MALRD1: variants seen among roughly 807,000 people sequenced by gnomAD.
The protein encoded by MALRD1 is MAM and LDL receptor class A domain containing 1.
Under a neutral mutation model 242.1 loss-of-function variants are expected in MALRD1, and 247 were observed. The observed-to-expected ratio is 1.02, with a 90% CI of 0.92 to 1.13. The LOEUF (loss-of-function observed/expected upper bound fraction) is 1.13, where lower values mean the gene tolerates loss of function less well. Ranked by LOEUF, MALRD1 falls within the 50% of genes most tolerant of loss-of-function variation. The pLI, the probability that MALRD1 is intolerant of heterozygous loss-of-function variation, is 0.00. For synonymous variants in MALRD1, 995 were observed against 866.6 expected (o/e 1.15, Z -2.60); for missense variants, 2,989 against 2,533.1 (o/e 1.18, Z -3.86).
chr10:19,724,324 A>G lies in MALRD1; in HGVS notation c.6315-6382A>G, dbSNP rs72782186. Among the ~76,000 whole-genome samples the G allele has an allele frequency of 3.3e-3, 508 of 152,346 alleles. 2 individuals are homozygous for G. The highest frequency in any genetic ancestry group is 0.01 in the Middle Eastern group (3 of 294). ...CACCCATTTATCACCAAAAATGGCA[A>G]TCAATTTAGTAAATAAAGTTAATAG... On this transcript the variant is annotated intron_variant, in intron 38 of 39. Coordinates refer to ENST00000454679, the MANE Select transcript of MALRD1 (RefSeq NM_001142308.3).
At chr10:19,483,602 C>T (rs916951837) in intron 29 of MALRD1, among the ~76,000 whole-genome samples, 2 of 152,152 alleles carry the variant, frequency 1.3e-5, no homozygotes, top group African/African-American at 4.8e-5. Context: ...TACCATTTCA[C>T]ATCAGTCAGA....
chr10:19,703,229 T>C (rs150578922), intron 38 of MALRD1, among the ~76,000 whole-genome samples: 1 of 152,334 alleles, frequency 6.6e-6, no homozygotes, highest in African/African-American at 2.4e-5. Context: ...GAATTCTTCA[T>C]CTGCCTCTCA....
rs187629954 is a variant in MALRD1 at position 19,589,404 on chromosome 10, C to T, written c.5681-5790C>T. Among the ~76,000 whole-genome samples the T allele has an allele frequency of 1.2e-3, 179 of 152,242 alleles. 1 individual carries two copies. Among genetic ancestry groups the T allele is most frequent in the African/African-American group, 3.2e-3 (132 of 41,542 alleles). On this transcript the variant is annotated intron_variant, in intron 33 of 39. Transcript: ENST00000454679. The stretch of plus-strand genomic sequence containing the variant: ...AGAGTAACTTTATTGCTGGTACAGC[C>T]TTGAATCATCTCCAATATACAAAGA...
chr10:19,068,680 C>G (rs1835052753), intron 2 of MALRD1, among the ~76,000 whole-genome samples: 1 of 152,056 alleles, frequency 6.6e-6, no homozygotes, highest in Non-Finnish European at 1.5e-5. Flanking sequence ...AGCAAGTGTT[C>G]TGGCTGTAGA....
intron 28 of MALRD1, among the ~76,000 whole-genome samples, chr10:19,401,263 C>T (rs543174929): frequency 5.0e-4 from 76 of 152,292 alleles, no homozygotes; most frequent in Non-Finnish European, 8.5e-4. Context: ...TAACATAGCA[C>T]TGCTTTCATT....
intron 29 of MALRD1, among the ~76,000 whole-genome samples, chr10:19,472,327 TG>T (rs1394379313): frequency 6.6e-6 from 1 of 152,000 alleles, no homozygotes; most frequent in Non-Finnish European, 1.5e-5. Context: ...GGATTTTGCA[TG>T]GATGTTTATC....
chr10:19,383,847 C>G (rs1364798294), intron 26 of MALRD1, among the ~76,000 whole-genome samples: 1 of 151,636 alleles, frequency 6.6e-6, no homozygotes, highest in Middle Eastern at 3.4e-3. Context: ...GGAAATAGTA[C>G]ATTCTCCAGG....
chr10:19,324,420 A>G (rs1440485685), intron 22 of MALRD1, among the ~76,000 whole-genome samples: 6 of 152,212 alleles, frequency 3.9e-5, no homozygotes, highest in South Asian at 2.1e-4. Flanking sequence ...TCAAATAAAT[A>G]TATACACTTG....
At chr10:19,315,142 A>C (rs796395712) in intron 21 of MALRD1, among the ~76,000 whole-genome samples, 2 of 137,154 alleles carry the variant, frequency 1.5e-5, no homozygotes, top group Admixed American at 7.6e-5. Flanking sequence ...AAATATGTAA[A>C]TATAATTTAT....
chr10:19,699,505 A>G (rs1226267704), intron 38 of MALRD1, among the ~76,000 whole-genome samples: 1 of 152,142 alleles, frequency 6.6e-6, no homozygotes, highest in Non-Finnish European at 1.5e-5. Context: ...AGAGGGCAAT[A>G]GGGGCAGGGT....
intron 25 of MALRD1, among the ~76,000 whole-genome samples, chr10:19,350,278 T>TC (rs931558459): frequency 2.0e-5 from 3 of 147,948 alleles, no homozygotes; most frequent in East Asian, 2.0e-4. Context: ...TTTCTTTTTT[T>TC]TTTTTTTTTT....
At chr10:19,530,697 A>G (rs1834375554) in intron 31 of MALRD1, among the ~76,000 whole-genome samples, 1 of 151,780 alleles carries the variant, frequency 6.6e-6, no homozygotes, top group Non-Finnish European at 1.5e-5. Flanking sequence ...TGAGAAGAAA[A>G]GAAATAGTGT....
At chr10:19,484,294 T>C (rs527829582) in intron 29 of MALRD1, among the ~76,000 whole-genome samples, 1 of 152,138 alleles carries the variant, frequency 6.6e-6, no homozygotes, top group African/African-American at 2.4e-5. Flanking sequence ...ATTATAAAAA[T>C]AAGAAAAGTT....
Position 19,562,297 on chromosome 10 carries a change from G to GTAGGTAGATAGA in MALRD1, c.5479-5202_5479-5201insGTAGATAGATAG, listed in dbSNP as rs149417866. On this transcript the variant is annotated intron_variant, in intron 32 of 39. Transcript: ENST00000454679. Reference sequence around the variant, plus strand: ...GCAACAGAGCGAGATGCTGTCTTAGGTAGATAGATAGATAGATAGATAGAT... The same window carrying GTAGGTAGATAGA: ...GCAACAGAGCGAGATGCTGTCTTAGGTAGGTAGATAGATAGATAGATAGATAGATAGATAGAT... Among the ~76,000 whole-genome samples, 57 of 144,766 alleles carry GTAGGTAGATAGA rather than the reference G, an allele frequency of 3.9e-4. 1 individual carries two copies. The highest frequency in any genetic ancestry group is 5.4e-4 in the Non-Finnish European group (36 of 66,128). The allele number at this position is 144,766 out of a possible 152,430, so 95.0% of individuals were successfully genotyped here.
intron 29 of MALRD1, among the ~76,000 whole-genome samples, chr10:19,453,763 C>G (rs1318792843): frequency 1.3e-5 from 2 of 151,942 alleles, no homozygotes; most frequent in Non-Finnish European, 2.9e-5. Context: ...GTAATCCCAG[C>G]TACTCAGCAG....
chr10:19,210,952 C>G (rs982129971), intron 18 of MALRD1, among the ~76,000 whole-genome samples: 1 of 152,142 alleles, frequency 6.6e-6, no homozygotes, highest in Admixed American at 6.5e-5. Flanking sequence ...AGTGTGGCAT[C>G]GTTCTGGTCT....
intron 33 of MALRD1, among the ~76,000 whole-genome samples, chr10:19,580,950 C>T (rs1306261526): frequency 6.6e-6 from 1 of 152,018 alleles, no homozygotes; most frequent in East Asian, 1.9e-4. Flanking sequence ...AAATAGAGGT[C>T]ATGTTCCATC....
intron 36 of MALRD1, among the ~76,000 whole-genome samples, chr10:19,645,054 ATTTTTC>A (rs1840584300): frequency 6.6e-6 from 1 of 152,160 alleles, no homozygotes; most frequent in Non-Finnish European, 1.5e-5. Flanking sequence ...TTATCAGATC[ATTTTTC>A]TTATTTTCTC....
chr10:19,525,103 C>T (rs573728884), intron 31 of MALRD1, among the ~76,000 whole-genome samples: 25 of 148,736 alleles, frequency 1.7e-4, no homozygotes, highest in Non-Finnish European at 3.1e-4. Context: ...TCAGTAGAGA[C>T]GGGGTTTCCC....
Sources: gnomAD v4.1 joint callset for allele counts (sites outside exome capture counted in the v4.1 genomes callset) on GRCh38, gnomAD v4.1.1 for gene constraint, MANE v1.5 for transcripts, NCBI Gene and HGNC (gene_info 2026-07-23, HGNC 2026-07-21) for gene names.